CSMD3: variants seen among roughly 807,000 people sequenced by gnomAD.
CSMD3 encodes the protein CUB and Sushi multiple domains 3.
Under a neutral mutation model 435.2 loss-of-function variants are expected in CSMD3, and 177 were observed. That is an observed-to-expected ratio of 0.41 (90% CI 0.36 to 0.46). CSMD3 has a LOEUF of 0.46. Ranked by LOEUF, CSMD3 falls within the 20% of genes least tolerant of loss-of-function variation. The pLI is 0.34. For missense variants in CSMD3, 4,265 were observed against 4,504.6 expected, an observed-to-expected ratio of 0.95 and a Z score of 1.52; for synonymous variants, 1,656 against 1,520.5, an observed-to-expected ratio of 1.09 and a Z score of -2.07.
intron 6 of CSMD3, among the ~76,000 whole-genome samples, chr8:112,979,308 AC>A (rs1370215456): frequency 1.3e-5 from 2 of 151,784 alleles, no homozygotes; most frequent in African/African-American, 4.8e-5. Flanking sequence ...TAAAGAAATA[AC>A]ACTGATTTCC....
At chr8:112,973,494 C>A (rs2084735616) in intron 7 of CSMD3, among the ~76,000 whole-genome samples, 1 of 151,830 alleles carries the variant, frequency 6.6e-6, no homozygotes, top group Admixed American at 6.6e-5. Context: ...CATTATTTAT[C>A]TTTATTTCCT....
intron 47 of CSMD3, among the ~76,000 whole-genome samples, chr8:112,317,839 G>A (rs1488077567): frequency 6.6e-6 from 1 of 151,978 alleles, no homozygotes; most frequent in Non-Finnish European, 1.5e-5. Flanking sequence ...CTTTAGACTT[G>A]TTATAGCAGC....
At chr8:112,701,143 G>T (rs16883971) in intron 13 of CSMD3, among the ~76,000 whole-genome samples, 1 of 152,140 alleles carries the variant, frequency 6.6e-6, no homozygotes, top group East Asian at 1.9e-4. Flanking sequence ...CTTCAACTAT[G>T]TTTTCTAGAG....
chr8:112,533,444 G>C (rs1254387150), intron 27 of CSMD3, among the ~76,000 whole-genome samples: 1 of 151,710 alleles, frequency 6.6e-6, no homozygotes, highest in East Asian at 1.9e-4. Context: ...TATGCAAACG[G>C]AAACCAAAAA....
rs575125178 is a variant in CSMD3 at position 112,755,996 on chromosome 8, G to A, written c.1972+44166C>T. The stretch of plus-strand genomic sequence containing the variant: ...ATTTGAAGAACAATCTTAGCCACAA[G>A]GGAAATGGAATTGGTGCTACATATC... On this transcript the variant is annotated intron_variant, in intron 13 of 70. Transcript: ENST00000297405. Among the ~76,000 whole-genome samples, 176 of 152,038 alleles carry A rather than the reference G, an allele frequency of 1.2e-3. 2 individuals carry two copies. The highest frequency in any genetic ancestry group is 4.0e-3 in the African/African-American group (165 of 41,482).
chr8:113,073,671 A>G (rs2131416081), intron 5 of CSMD3, among the ~76,000 whole-genome samples: 1 of 151,978 alleles, frequency 6.6e-6, no homozygotes, highest in Non-Finnish European at 1.5e-5. Flanking sequence ...TTGTTAGTGG[A>G]TAAGTAGGAT....
chr8:112,467,597 G>C (rs1321183971), intron 32 of CSMD3, among the ~76,000 whole-genome samples: 2 of 152,036 alleles, frequency 1.3e-5, no homozygotes, highest in Admixed American at 6.6e-5. Flanking sequence ...CAAGAAGCCC[G>C]GAATGTCACC....
intron 3 of CSMD3, among the ~76,000 whole-genome samples, chr8:113,277,561 C>T (rs2132452548): frequency 6.6e-6 from 1 of 151,946 alleles, no homozygotes; most frequent in South Asian, 2.1e-4. Context: ...ATTCTATTTA[C>T]TATGTGATTG....
intron 12 of CSMD3, among the ~76,000 whole-genome samples, chr8:112,819,003 T>C (rs2079455497): frequency 6.6e-6 from 1 of 152,180 alleles, no homozygotes; most frequent in African/African-American, 2.4e-5. Context: ...TCTATTTTAC[T>C]GTTTGTTTGC....
intron 1 of CSMD3, among the ~76,000 whole-genome samples, chr8:113,429,879 C>T (rs1157304153): frequency 2.0e-5 from 3 of 152,192 alleles, no homozygotes; most frequent in East Asian, 3.9e-4. Flanking sequence ...AATACATGAG[C>T]AGTGAACTAG....
rs1360264170 is a variant in CSMD3, at chr8:112,301,840, T to C, written c.8393A>G (p.Glu2798Gly). Residue 2798 changes from glutamate to glycine, a missense_variant, in exon 53 of 71, where the codon GAA becomes GGA. Transcript: ENST00000297405. Reference protein sequence around the residue: ...GFMLVGSAVRECLSSGLWSES... With the variant: ...GFMLVGSAVRGCLSSGLWSES... Reference sequence around the variant, plus strand: ...ACTCCAAAGACCTGAGGAAAGGCATTCCCTTACAGCAGAGCCCACAAGCAT... The same window carrying C: ...ACTCCAAAGACCTGAGGAAAGGCATCCCCTTACAGCAGAGCCCACAAGCAT... 1.2e-6 allele frequency: 2 copies of C among 1,613,722 alleles called. No individual in the cohort carries two copies. Among genetic ancestry groups the C allele is most frequent in the African/African-American group, 2.7e-5 (2 of 74,866 alleles).
chr8:113,004,539 A>G (rs1030949060), intron 6 of CSMD3, among the ~76,000 whole-genome samples: 1 of 152,016 alleles, frequency 6.6e-6, no homozygotes, highest in African/African-American at 2.4e-5. Flanking sequence ...ATAACAAAAG[A>G]TTCCCTGACC....
chr8:112,918,357 T>C (rs974517130), intron 10 of CSMD3, among the ~76,000 whole-genome samples: 2 of 151,902 alleles, frequency 1.3e-5, no homozygotes, highest in Non-Finnish European at 2.9e-5. Flanking sequence ...CCCATTTCAT[T>C]AATCCCATGA....
intron 12 of CSMD3, among the ~76,000 whole-genome samples, chr8:112,825,516 T>TTTG (rs572332742): frequency 2.4e-3 from 363 of 152,242 alleles, no homozygotes; most frequent in African/African-American, 6.9e-3. Flanking sequence ...TGGGGACTTT[T>TTTG]TTGTTGTTGT....
intron 58 of CSMD3, among the ~76,000 whole-genome samples, chr8:112,284,308 C>T (rs1253171270): frequency 2.0e-5 from 3 of 151,742 alleles, no homozygotes; most frequent in Admixed American, 6.6e-5. Context: ...CCTTCACATT[C>T]TGAAAATACC....
At chr8:113,376,768 G>A (rs908846589) in intron 1 of CSMD3, 2 of 1,613,856 alleles carry the variant, frequency 1.2e-6, no homozygotes, top group Non-Finnish European at 1.7e-6. Flanking sequence ...AGCTGTACAG[G>A]TTTCCAGCAA....
At chr8:112,748,241 T>A (rs528558065) in intron 13 of CSMD3, among the ~76,000 whole-genome samples, 1 of 152,092 alleles carries the variant, frequency 6.6e-6, no homozygotes, top group Non-Finnish European at 1.5e-5. Flanking sequence ...AGAAATTGAA[T>A]AGGAAAATAT....
intron 3 of CSMD3, among the ~76,000 whole-genome samples, chr8:113,223,055 ATTAT>A (rs992833947): frequency 9.9e-5 from 15 of 150,856 alleles, no homozygotes; most frequent in African/African-American, 1.7e-4. Flanking sequence ...AGTATTAAAT[ATTAT>A]TTATTTATTT....
At chr8:113,079,934 ATGTTTGTT>A (rs150634033) in intron 5 of CSMD3, among the ~76,000 whole-genome samples, 7,120 of 152,058 alleles carry the variant, frequency 0.047, 548 homozygotes, top group African/African-American at 0.16. Context: ...GTATTTTTAA[ATGTTTGTT>A]TGTTTGTTTG....
Sources: gnomAD v4.1 joint callset for allele counts (sites outside exome capture counted in the v4.1 genomes callset) on GRCh38, gnomAD v4.1.1 for gene constraint, MANE v1.5 for transcripts, NCBI Gene and HGNC (gene_info 2026-07-23, HGNC 2026-07-21) for gene names.